The following BABAM2 variants were observed in gnomAD, a reference collection of about 807,000 sequenced individuals.
BABAM2 encodes the protein BRISC and BRCA1 A complex member 2.
A neutral mutation model predicts 54.7 loss-of-function variants in BABAM2; 31 were observed. That is an observed-to-expected ratio of 0.57 (90% CI 0.43 to 0.77). The LOEUF (loss-of-function observed/expected upper bound fraction) is 0.77, where lower values mean the gene tolerates loss of function less well. Among genes scored for constraint, BABAM2 ranks in the 30% least tolerant of loss-of-function variants. The pLI, the probability that BABAM2 is intolerant of heterozygous loss-of-function variation, is 0.00. For synonymous variants in BABAM2, 167 were observed against 162.9 expected (o/e 1.03, Z -0.19); for missense variants, 364 against 455.8 (o/e 0.80, Z 1.83).
At chr2:27,963,761 C>T (rs75599954) in intron 3 of BABAM2, among the ~76,000 whole-genome samples, 61 of 152,194 alleles carry the variant, frequency 4.0e-4, no homozygotes, top group African/African-American at 1.4e-3. Flanking sequence ...GTAAATGGAA[C>T]AATCATTGGA....
At chr2:28,110,637 T>A (rs555983814) in intron 6 of BABAM2, among the ~76,000 whole-genome samples, 23 of 151,562 alleles carry the variant, frequency 1.5e-4, no homozygotes, top group African/African-American at 5.6e-4. Flanking sequence ...AAAAAATAAA[T>A]AAATAAAATA....
intron 7 of BABAM2, among the ~76,000 whole-genome samples, chr2:28,141,561 A>G (rs1671061089): frequency 6.6e-6 from 1 of 152,084 alleles, no homozygotes; most frequent in African/African-American, 2.4e-5. Flanking sequence ...ACCCAACACA[A>G]ACACCTAGGT....
At chr2:28,268,207 A>T (rs2148153795) in intron 10 of BABAM2, among the ~76,000 whole-genome samples, 1 of 152,380 alleles carries the variant, frequency 6.6e-6, no homozygotes, top group Admixed American at 6.5e-5. Flanking sequence ...GCAGTGGCAC[A>T]TGCCTATAGT....
At chr2:28,009,421 A>C (rs1674230369) in intron 4 of BABAM2, among the ~76,000 whole-genome samples, 1 of 152,124 alleles carries the variant, frequency 6.6e-6, no homozygotes, top group South Asian at 2.1e-4. Context: ...TAAAATATTA[A>C]TTATTAATAA....
At chr2:27,919,984 T>C (rs1431200756) in intron 2 of BABAM2, among the ~76,000 whole-genome samples, 5 of 152,212 alleles carry the variant, frequency 3.3e-5, no homozygotes, top group Non-Finnish European at 7.4e-5. Flanking sequence ...GCTGAGTCAC[T>C]TATTTTGGTG....
rs1691667167 is a variant in BABAM2 at position 28,338,515 on chromosome 2, A to G, written c.*2A>G. 4 of 1,613,924 alleles carry G rather than the reference A, an allele frequency of 2.5e-6. No homozygotes were observed. Among genetic ancestry groups the G allele is most frequent in the African/African-American group, 1.3e-5 (1 of 74,912 alleles). On this transcript the variant is annotated 3_prime_UTR_variant, in exon 12 of 12. Coordinates refer to ENST00000379624, the MANE Select transcript of BABAM2 (RefSeq NM_199191.3). ...GCATTTGCCAATGGAAAGCTCTAGG[A>G]AACACCAGTCTTGAGAGGTGGCCAG...
intron 2 of BABAM2, among the ~76,000 whole-genome samples, chr2:27,914,176 G>A (rs1377301061): frequency 9.9e-5 from 15 of 152,142 alleles, no homozygotes. Context: ...TCTCTGCCAA[G>A]TGACTGTTCA....
At chr2:28,085,490 C>A (rs1200776565) in intron 6 of BABAM2, among the ~76,000 whole-genome samples, 1 of 152,096 alleles carries the variant, frequency 6.6e-6, no homozygotes, top group Non-Finnish European at 1.5e-5. Context: ...TAAAATTTGC[C>A]TATGTGGTCA....
chr2:28,210,782 G>C (rs1304632230), intron 7 of BABAM2, among the ~76,000 whole-genome samples: 1 of 152,168 alleles, frequency 6.6e-6, no homozygotes, highest in African/African-American at 2.4e-5. Context: ...CTTTTGGCCA[G>C]TCCCTTAAAA....
intron 6 of BABAM2, among the ~76,000 whole-genome samples, chr2:28,067,945 C>A (rs1222114427): frequency 4.6e-5 from 7 of 151,844 alleles, no homozygotes; most frequent in African/African-American, 1.5e-4. Context: ...AAAAAAATTT[C>A]TTTTTAAAGA....
intron 7 of BABAM2, among the ~76,000 whole-genome samples, chr2:28,218,500 T>C (rs1680112419): frequency 6.6e-6 from 1 of 152,246 alleles, no homozygotes; most frequent in African/African-American, 2.4e-5. Context: ...TCTTGTTCCT[T>C]AATTTGGGTT....
chr2:28,298,290 A>C (rs748180562), intron 10 of BABAM2, 48 bp from the exon 11 acceptor site: 1 of 1,574,856 alleles, frequency 6.3e-7, no homozygotes, highest in African/African-American at 1.4e-5. Context: ...AAAAATCTTA[A>C]GATGTGTTTA....
chr2:28,326,659 T>C (rs923016173), intron 11 of BABAM2, among the ~76,000 whole-genome samples: 1 of 152,142 alleles, frequency 6.6e-6, no homozygotes, highest in Non-Finnish European at 1.5e-5. Context: ...CTACTAGCTC[T>C]GGGGCCTCAG....
chr2:28,146,722 C>A (rs889498468), intron 7 of BABAM2, among the ~76,000 whole-genome samples: 1 of 152,130 alleles, frequency 6.6e-6, no homozygotes, highest in African/African-American at 2.4e-5. Flanking sequence ...TTGGTCAGAA[C>A]TGGAGGCCTA....
chr2:28,294,658 G>A (rs1687541598), intron 10 of BABAM2, among the ~76,000 whole-genome samples: 1 of 152,128 alleles, frequency 6.6e-6, no homozygotes, highest in South Asian at 2.1e-4. Context: ...TCAGAAAAAT[G>A]TGAAGTATTT....
Position 28,327,044 on chromosome 2 carries a change from A to C in BABAM2, c.1089-11406A>C, listed in dbSNP as rs1168402268. On this transcript the variant is annotated intron_variant, in intron 11 of 11. Transcript: ENST00000379624. ...ACACTATGCTCCAGGCTGGGGATGC[A>C]AAGATGGATGAATACGACCCATGGG... Among the ~76,000 whole-genome samples the C allele has an allele frequency of 5.9e-5, 9 of 152,216 alleles. No individual in the cohort carries two copies. In the South Asian group the frequency reaches 1.4e-3, roughly 25 times the overall value.
intron 7 of BABAM2, among the ~76,000 whole-genome samples, chr2:28,202,304 A>C (rs1057385441): frequency 1.3e-5 from 2 of 151,862 alleles, no homozygotes; most frequent in Non-Finnish European, 2.9e-5. Context: ...TCAGCTTTGA[A>C]CCCAGCCTCT....
At chr2:28,310,139 C>T in intron 11 of BABAM2, 4 of 1,614,132 alleles carry the variant, frequency 2.5e-6, no homozygotes, top group Non-Finnish European at 3.4e-6. Flanking sequence ...CAGGCATCCT[C>T]TCCAAATTGC....
chr2:27,987,456 A>G (rs1015108126), intron 3 of BABAM2, among the ~76,000 whole-genome samples: 34 of 152,246 alleles, frequency 2.2e-4, no homozygotes, highest in African/African-American at 7.7e-4. Flanking sequence ...CTCCTTGGAT[A>G]TTTACATTCA....
Sources: allele counts gnomAD v4.1 joint callset (sites outside exome capture counted in the v4.1 genomes callset), GRCh38; gene constraint gnomAD v4.1.1; transcripts MANE v1.5; gene names NCBI Gene and HGNC (gene_info 2026-07-23, HGNC 2026-07-21).